Variants in CCDC180 observed in about 807,000 individuals in gnomAD.
CCDC180 encodes coiled-coil domain-containing protein 180.
In CCDC180, 154 loss-of-function variants were observed where a neutral mutation model predicts 209.2. The observed-to-expected ratio is 0.74, with a 90% confidence interval of 0.65 to 0.84. The LOEUF (loss-of-function observed/expected upper bound fraction) is 0.84. Ranked by LOEUF, CCDC180 falls within the 40% of genes least tolerant of loss-of-function variation. The pLI, the probability that CCDC180 is intolerant of heterozygous loss-of-function variation, is 0.00. For synonymous variants in CCDC180, 778 were observed against 749.1 expected (o/e 1.04, Z -0.63); for missense variants, 1,874 against 1,997.3 (o/e 0.94, Z 1.18).
Position 97,362,336 on chromosome 9 carries a change from C to T in CCDC180, c.3797C>T (p.Ser1266Phe), listed in dbSNP as rs1286757293. The T allele has an allele frequency of 1.2e-6, 2 of 1,613,968 alleles. No homozygotes were observed. Among genetic ancestry groups the T allele is most frequent in the Non-Finnish European group, 1.7e-6 (2 of 1,180,016 alleles). ...GAVCSPPVLC[S>F]CPGPSSPKGF... ...GTGTGCTCACCTCCTGTCCTCTGCT[C>T]CTGTCCTGGGCCCTCGTCACCCAAA... The change falls in exon 28 of 37, where the codon TCC (serine) becomes TTC (phenylalanine). Residue 1266 changes from serine (S) to phenylalanine (F), a missense_variant. Coordinates refer to ENST00000529487, the MANE Select transcript of CCDC180 (RefSeq NM_020893.6).
At position 97,328,500 on chromosome 9, in the gene CCDC180, C is replaced by G. The variant is rs546567914; in HGVS notation, c.1788+354C>G. Among the ~76,000 whole-genome samples the G allele has an allele frequency of 4.6e-5, 7 of 152,254 alleles. No individual in the cohort carries two copies. The South Asian group carries it at 1.4e-3, about 32-fold the overall frequency. ...CAAAATCCCTCCCCAACTGTGCAGC[C>G]CCCACCAAATCCAACTTACAGTCCC... On this transcript the variant is annotated intron_variant, in intron 16 of 36. Coordinates refer to ENST00000529487, the MANE Select transcript of CCDC180 (RefSeq NM_020893.6).
At chr9:97,328,599 T>C (rs1165219304) in intron 16 of CCDC180, among the ~76,000 whole-genome samples, 1 of 152,092 alleles carries the variant, frequency 6.6e-6, no homozygotes, top group African/African-American at 2.4e-5. Context: ...TCATCCCTCT[T>C]CTGGCATGTG....
At chr9:97,333,508 T>G (rs1564157898) in intron 18 of CCDC180, among the ~76,000 whole-genome samples, 1 of 69,128 alleles carries the variant, frequency 1.4e-5, no homozygotes, top group African/African-American at 8.1e-5. Context: ...TTTGGGTTTT[T>G]TTTTTTTTTT....
chr9:97,362,241 G>A lies in CCDC180; in HGVS notation c.3702G>A (p.Pro1234=), dbSNP rs114455607. 9.4e-4 allele frequency: 1,518 copies of A among 1,614,054 alleles called. 7 individuals carry two copies. In the African/African-American group the frequency reaches 0.015, roughly 16 times the overall value. The change falls in exon 28 of 37, where the codon CCG becomes CCA. Residue 1234 remains proline, a synonymous_variant. Transcript: ENST00000529487. ...KWPTHHCDKD[P]SQTGRGAWAC... ...CAACCCACCATTGTGACAAAGATCCGTCCCAGACAGGTAGAGGCGCATGGG... is the reference window on the plus strand; with the variant it reads ...CAACCCACCATTGTGACAAAGATCCATCCCAGACAGGTAGAGGCGCATGGG...
chr9:97,377,103 G>A lies in CCDC180; in HGVS notation c.*209G>A, dbSNP rs957461983. 9.3e-6 allele frequency: 4 copies of A among 431,060 alleles called. No individual in the cohort carries two copies. The highest frequency in any genetic ancestry group is 8.0e-5 in the African/African-American group (4 of 49,962). 26.7% of individuals were successfully genotyped at this position (431,060 alleles called of 1,614,324 possible). A position where few individuals can be genotyped will look rare whatever the true frequency, so the allele number is the denominator to read the frequency against. Reference sequence around the variant, plus strand: ...CCCATGAGGAAGGCAAGCATGAAAGGGGAATTCCACGTGGTTAGCAGGGAG... The same window carrying A: ...CCCATGAGGAAGGCAAGCATGAAAGAGGAATTCCACGTGGTTAGCAGGGAG... On this transcript the variant is annotated 3_prime_UTR_variant, in exon 37 of 37. Coordinates refer to ENST00000529487, the MANE Select transcript of CCDC180 (RefSeq NM_020893.6).
At chr9:97,314,320 C>G (rs1025239696) in intron 5 of CCDC180, 73 bp from the exon 6 acceptor site, 3 of 1,572,134 alleles carry the variant, frequency 1.9e-6, no homozygotes, top group Non-Finnish European at 1.7e-6. Flanking sequence ...TGGCACTTCC[C>G]CCATGACAGG....
chr9:97,311,329 C>T (rs1438670637), intron 3 of CCDC180, among the ~76,000 whole-genome samples: 1 of 152,190 alleles, frequency 6.6e-6, no homozygotes, highest in Non-Finnish European at 1.5e-5. Flanking sequence ...GCCTGGGCCC[C>T]ATCAGCTGCA....
chr9:97,334,554 C>T (rs34355647), intron 18 of CCDC180, among the ~76,000 whole-genome samples: 29,213 of 152,080 alleles, frequency 0.19, 3,037 homozygotes, highest in East Asian at 0.3. Context: ...CTATGCTGGC[C>T]TTCCAGTACA....
At chr9:97,376,324 C>T (rs1157493525) in intron 36 of CCDC180, 1 of 161,140 alleles carries the variant, frequency 6.2e-6, no homozygotes, top group African/African-American at 2.4e-5. Flanking sequence ...TGCCCAGGGT[C>T]AGCCCTCCCC....
chr9:97,347,285 G>A, intron 19 of CCDC180, 29 bp from the exon 20 acceptor site: 1 of 1,532,810 alleles, frequency 6.5e-7, no homozygotes, highest in South Asian at 1.2e-5. Flanking sequence ...ATTGCTGGCA[G>A]GGCTGACCCT....
At chr9:97,328,289 G>A in intron 16 of CCDC180, 143 bp downstream of exon 16, 1 of 953,826 alleles carries the variant, frequency 1.0e-6, no homozygotes, top group Non-Finnish European at 1.5e-6. Context: ...GAAGCTGAAA[G>A]TGTCTCTAAA....
chr9:97,350,678 C>A, intron 22 of CCDC180, 123 bp downstream of exon 22: 1 of 1,081,722 alleles, frequency 9.2e-7, no homozygotes, highest in Non-Finnish European at 1.3e-6. Context: ...AACATCTTAA[C>A]CATTTTTAGG....
chr9:97,340,692 G>A (rs1016462867), intron 18 of CCDC180, among the ~76,000 whole-genome samples: 3 of 152,210 alleles, frequency 2.0e-5, no homozygotes, highest in Non-Finnish European at 4.4e-5. Context: ...TTGGTCTAGC[G>A]GTGACGCCAG....
At chr9:97,309,385 C>T (rs1587774799) in intron 2 of CCDC180, 29 bp from the exon 3 acceptor site, 3 of 1,593,198 alleles carry the variant, frequency 1.9e-6, no homozygotes, top group South Asian at 1.1e-5. Context: ...TCTGACCACT[C>T]CCCCATCCTT....
rs1833592502 is a variant in CCDC180 at position 97,328,044 on chromosome 9, G to A, written c.1686G>A (p.Leu562=). ...GGTATGAATGTTTTCACACCCTCCT[G>A]ACAAAGGAAGTGATGGAGTACCCAG... ...KSRYECFHTL[L]TKEVMEYPAI... The change falls in exon 16 of 37, where the codon CTG becomes CTA. Residue 562 remains leucine, a synonymous_variant. Transcript: ENST00000529487. The A allele has an allele frequency of 1.2e-6, 2 of 1,613,894 alleles. No individual in the cohort carries two copies. The highest frequency in any genetic ancestry group is 1.1e-5 in the South Asian group (1 of 91,052).
At position 97,326,666 on chromosome 9, in the gene CCDC180, C is replaced by A. The variant is rs779579291; in HGVS notation, c.1658C>A (p.Ser553Tyr). The change falls in exon 15 of 37, where the codon TCC becomes TAC. Residue 553 changes from serine (S) to tyrosine (Y), a missense_variant. Physicochemically the swap from Ser to Tyr is moderately radical, Grantham distance 144. Transcript: ENST00000529487. ...KVKDYLKNMK[S>Y]RYECFHTLLT... Reference sequence around the variant, plus strand: ...AAAGATTATCTGAAGAACATGAAATCCAGGTAGGCCAACCAGACTCCAGAA... The same window carrying A: ...AAAGATTATCTGAAGAACATGAAATACAGGTAGGCCAACCAGACTCCAGAA... 30 of 1,590,026 alleles carry A rather than the reference C, an allele frequency of 1.9e-5. No homozygotes were observed. The South Asian group carries it at 2.9e-4, about 15-fold the overall frequency.
intron 3 of CCDC180, among the ~76,000 whole-genome samples, chr9:97,309,858 G>A (rs1035518930): frequency 6.6e-6 from 1 of 152,184 alleles, no homozygotes; most frequent in African/African-American, 2.4e-5. Context: ...TATGAAACTT[G>A]AGACCTCGAA....
intron 22 of CCDC180, among the ~76,000 whole-genome samples, chr9:97,351,704 T>C (rs1826425298): frequency 6.6e-6 from 1 of 152,126 alleles, no homozygotes; most frequent in African/African-American, 2.4e-5. Context: ...TGTACAGAAA[T>C]GGAATCCTAG....
At chr9:97,326,373 G>A (rs1223223977) in intron 14 of CCDC180, among the ~76,000 whole-genome samples, 181 bp from the exon 15 acceptor site, 1 of 152,192 alleles carries the variant, frequency 6.6e-6, no homozygotes, top group Non-Finnish European at 1.5e-5. Context: ...AAAGTCTGGA[G>A]GGCTATAGTG....
Sources: gnomAD v4.1 joint callset for allele counts (sites outside exome capture counted in the v4.1 genomes callset) on GRCh38, gnomAD v4.1.1 for gene constraint, MANE v1.5 for transcripts, NCBI Gene and HGNC (gene_info 2026-07-23, HGNC 2026-07-21) for gene names.